PARD3B: variants seen among roughly 807,000 people sequenced by gnomAD.
The protein encoded by PARD3B is par-3 family cell polarity regulator beta.
PARD3B carries 103 observed loss-of-function variants against 130.2 expected under a neutral mutation model. The observed-to-expected ratio is 0.79, with a 90% confidence interval of 0.67 to 0.93. PARD3B has a LOEUF of 0.93. Ranked by LOEUF, PARD3B falls within the 40% of genes least tolerant of loss-of-function variation. The pLI, the probability that PARD3B is intolerant of heterozygous loss-of-function variation, is 0.00. For synonymous variants in PARD3B, 583 were observed against 553.2 expected (o/e 1.05, Z -0.76); for missense variants, 1,609 against 1,499.2 (o/e 1.07, Z -1.21).
Position 205,558,520 on chromosome 2 carries a change from C to T in PARD3B, c.3260+5117C>T, listed in dbSNP as rs1353405815. Among the ~76,000 whole-genome samples, 2 of 152,172 alleles carry T rather than the reference C, an allele frequency of 1.3e-5. No homozygotes were observed. The highest frequency in any genetic ancestry group is 2.9e-5 in the Non-Finnish European group (2 of 68,034). The stretch of plus-strand genomic sequence containing the variant: ...AGACCCTTGGCTCAACCCTCCTTTT[C>T]CCACATTTCCTAAGAAAAAGTGGGC... On this transcript the variant is annotated intron_variant, in intron 22 of 22. Transcript: ENST00000406610. This position sits in a 1 kb window ranked among gnomAD's most constrained non-coding sequence, Gnocchi z 4.8.
At chr2:205,500,672 CT>C (rs1157947153) in intron 21 of PARD3B, among the ~76,000 whole-genome samples, 1 of 152,212 alleles carries the variant, frequency 6.6e-6, no homozygotes, top group Non-Finnish European at 1.5e-5. Context: ...ATGTACTTAA[CT>C]CTTCAGCATC....
chr2:205,203,135 A>G (rs563655539), intron 15 of PARD3B, among the ~76,000 whole-genome samples: 2 of 152,316 alleles, frequency 1.3e-5, no homozygotes, highest in South Asian at 4.1e-4. Context: ...AAAAAACTAT[A>G]AAGTTTAGAA....
At chr2:205,368,150 A>G (rs774523234) in intron 18 of PARD3B, among the ~76,000 whole-genome samples, 7 of 152,202 alleles carry the variant, frequency 4.6e-5, no homozygotes, top group Non-Finnish European at 5.9e-5. Flanking sequence ...AATGGGGGAC[A>G]AAATAGCATA....
At chr2:205,400,508 G>A (rs1266163583) in intron 18 of PARD3B, among the ~76,000 whole-genome samples, 1 of 152,102 alleles carries the variant, frequency 6.6e-6, no homozygotes, top group African/African-American at 2.4e-5. Flanking sequence ...GGGCATGGTG[G>A]TGTGAACCTG....
chr2:204,775,144 T>TA (rs2125440307), intron 2 of PARD3B, among the ~76,000 whole-genome samples: 1 of 152,224 alleles, frequency 6.6e-6, no homozygotes, highest in East Asian at 1.9e-4. Context: ...TTGGGTAACT[T>TA]AAAAATCCAG....
At chr2:205,209,252 A>G (rs1441617564) in intron 15 of PARD3B, among the ~76,000 whole-genome samples, 1 of 149,858 alleles carries the variant, frequency 6.7e-6, no homozygotes, top group Admixed American at 6.7e-5. Context: ...CATTAGACCT[A>G]AAACCATAAA....
intron 21 of PARD3B, among the ~76,000 whole-genome samples, chr2:205,505,598 A>G (rs1291802189): frequency 6.6e-6 from 1 of 152,212 alleles, no homozygotes; most frequent in East Asian, 1.9e-4. Context: ...TTAAGTAAGC[A>G]AGATATACTA....
intron 2 of PARD3B, among the ~76,000 whole-genome samples, chr2:204,809,327 A>G (rs865918011): frequency 1.3e-5 from 2 of 152,102 alleles, no homozygotes; most frequent in African/African-American, 4.8e-5. Flanking sequence ...TGCTTTTGGC[A>G]TCTTTGTCAT....
chr2:205,046,216 A>G (rs564049380), intron 3 of PARD3B, among the ~76,000 whole-genome samples: 46 of 151,960 alleles, frequency 3.0e-4, no homozygotes, highest in Non-Finnish European at 4.9e-4. Flanking sequence ...ACTTTCTTAA[A>G]ATTTTATGGT....
At chr2:204,795,440 G>A (rs2042336950) in intron 2 of PARD3B, among the ~76,000 whole-genome samples, 1 of 152,100 alleles carries the variant, frequency 6.6e-6, no homozygotes, top group Non-Finnish European at 1.5e-5. Context: ...GAGGATTTGG[G>A]GCTTATTTGG....
At chr2:204,855,837 G>C (rs2044912344) in intron 2 of PARD3B, among the ~76,000 whole-genome samples, 2 of 152,038 alleles carry the variant, frequency 1.3e-5, no homozygotes, top group South Asian at 4.1e-4. Context: ...ATTTCACTGA[G>C]CAAAGTACTC....
In PARD3B at chr2:205,281,747, C is replaced by T. The variant is rs1324708459; in HGVS notation, c.2186-18783C>T. Among the ~76,000 whole-genome samples the T allele has an allele frequency of 6.6e-6, 1 of 152,112 alleles. No individual in the cohort carries two copies. Among genetic ancestry groups the T allele is most frequent in the East Asian group, 1.9e-4 (1 of 5,190 alleles). ...AAAGCCATTTCATCTTCAAATAGCC[C>T]AGTGATGAAACTCCTGGGCAGGTTG... is the stretch of plus-strand genomic sequence containing the variant. On this transcript the variant is annotated intron_variant, in intron 16 of 22. Transcript: ENST00000406610. The surrounding 1 kb of genome is among the most constrained non-coding windows in gnomAD (Gnocchi z 4.2).
chr2:205,559,299 G>A (rs767710249), intron 22 of PARD3B, among the ~76,000 whole-genome samples: 7 of 150,948 alleles, frequency 4.6e-5, no homozygotes, highest in Non-Finnish European at 8.9e-5. Context: ...CACGCACCAC[G>A]ATGCCCAGCT....
chr2:205,372,711 T>C (rs1181482045), intron 18 of PARD3B, among the ~76,000 whole-genome samples: 1 of 152,206 alleles, frequency 6.6e-6, no homozygotes, highest in Admixed American at 6.5e-5. Context: ...CCAGGTTTGG[T>C]GGCTCACACT....
At chr2:205,347,416 T>C (rs2043833490) in intron 18 of PARD3B, among the ~76,000 whole-genome samples, 1 of 152,236 alleles carries the variant, frequency 6.6e-6, no homozygotes, top group Admixed American at 6.5e-5. Context: ...TAAGTAAACA[T>C]GGTTAAGCTA....
chr2:204,858,425 A>G (rs1042150609), intron 2 of PARD3B, among the ~76,000 whole-genome samples: 2 of 151,410 alleles, frequency 1.3e-5, no homozygotes, highest in African/African-American at 4.8e-5. Flanking sequence ...ATGGTCCTGG[A>G]GTATATTTTG....
intron 2 of PARD3B, among the ~76,000 whole-genome samples, chr2:204,958,083 G>A (rs751169342): frequency 2.0e-5 from 3 of 152,100 alleles, no homozygotes; most frequent in Non-Finnish European, 4.4e-5. Flanking sequence ...AATTAAAATA[G>A]AGCCACATAT....
At chr2:204,601,681 A>G (rs2125105891) in intron 1 of PARD3B, among the ~76,000 whole-genome samples, 1 of 152,112 alleles carries the variant, frequency 6.6e-6, no homozygotes, top group East Asian at 1.9e-4. Flanking sequence ...GGCGTAGGAA[A>G]CTTGGTGAAA....
chr2:205,489,660 G>C (rs933822549), intron 20 of PARD3B, among the ~76,000 whole-genome samples: 1 of 151,536 alleles, frequency 6.6e-6, no homozygotes, highest in East Asian at 1.9e-4. Flanking sequence ...TTTTATGACT[G>C]ATGGCAAAAC....
Sources: allele counts gnomAD v4.1 joint callset (sites outside exome capture counted in the v4.1 genomes callset), GRCh38; gene constraint gnomAD v4.1.1; non-coding constraint Gnocchi (gnomAD v3.1); transcripts MANE v1.5; gene names NCBI Gene and HGNC (gene_info 2026-07-23, HGNC 2026-07-21).